UNC80: variants seen among roughly 807,000 people sequenced by gnomAD.
The protein encoded by UNC80 is protein unc-80 homolog.
Under a neutral mutation model 384.6 loss-of-function variants are expected in UNC80, and 164 were observed. That is an observed-to-expected ratio of 0.43 (90% CI 0.38 to 0.49). The LOEUF is 0.49. Among genes scored for constraint, UNC80 ranks in the 20% least tolerant of loss-of-function variants. The pLI, the probability that UNC80 is intolerant of heterozygous loss-of-function variation, is 0.00. For missense variants in UNC80, 3,330 were observed against 4,143.0 expected, an observed-to-expected ratio of 0.80 and a Z score of 5.39; for synonymous variants, 1,486 against 1,527.8, an observed-to-expected ratio of 0.97 and a Z score of 0.64.
rs185114233 is a variant in UNC80 at position 209,813,644 on chromosome 2, C to T, written c.1003C>T (p.Leu335=). 76 of 1,551,834 alleles carry T rather than the reference C, an allele frequency of 4.9e-5. 1 individual carries two copies. In the East Asian group the frequency reaches 1.7e-3, roughly 35 times the overall value. ...RYATYFDVAV[L]RCLLQPHWSE... ...TGCCACCTACTTTGACGTTGCTGTT[C>T]TGCGCTGCCTACTTCAGCCCCATTG... Residue 335 remains leucine (L), a synonymous_variant, in exon 8 of 65, where the codon CTG becomes TTG. Transcript: ENST00000673920.
chr2:209,970,081 C>A, intron 53 of UNC80, 190 bp downstream of exon 53: 1 of 680,004 alleles, frequency 1.5e-6, no homozygotes, highest in Non-Finnish European at 2.4e-6. Flanking sequence ...GGAACCCATC[C>A]CTACACAGAA....
At chr2:209,836,740 C>T (rs1326991934) in intron 18 of UNC80, among the ~76,000 whole-genome samples, 1 of 152,182 alleles carries the variant, frequency 6.6e-6, no homozygotes, top group Non-Finnish European at 1.5e-5. Flanking sequence ...CTGGCTCCTC[C>T]TCTAGCTTCT....
chr2:209,880,105 A>AT (rs1036751764), intron 24 of UNC80, among the ~76,000 whole-genome samples: 29 of 152,116 alleles, frequency 1.9e-4, no homozygotes, highest in African/African-American at 6.3e-4. Flanking sequence ...CATGGCTTTG[A>AT]TTTTTTCTGA....
At chr2:209,930,924 C>T in intron 37 of UNC80, 44 bp from the exon 38 acceptor site, 1 of 1,356,748 alleles carries the variant, frequency 7.4e-7, no homozygotes. Flanking sequence ...TTTTCTACAG[C>T]ATGGCAGCTG....
chr2:209,895,330 G>T (rs2086701558), intron 27 of UNC80, among the ~76,000 whole-genome samples: 1 of 152,150 alleles, frequency 6.6e-6, no homozygotes, highest in Non-Finnish European at 1.5e-5. Flanking sequence ...TCAAAAGTCA[G>T]CAAGAAGTGT....
Position 209,941,442 on chromosome 2 carries a change from CTCT to C in UNC80, c.6872_6874del (p.Phe2291del). On this transcript the variant is annotated inframe_deletion, in exon 44 of 65. Transcript: ENST00000673920. ...CAACACCGCGGTGCACTTCAACCAC[CTCT>C]TCTCTCTCAGCGGCTACCAGTGGAT... The C allele has an allele frequency of 6.5e-7, 1 of 1,544,930 alleles. No homozygotes were observed. The highest frequency in any genetic ancestry group is 8.8e-7 in the Non-Finnish European group (1 of 1,141,332).
intron 28 of UNC80, among the ~76,000 whole-genome samples, chr2:209,897,255 A>C (rs2124919854): frequency 6.6e-6 from 1 of 152,302 alleles, no homozygotes; most frequent in South Asian, 2.1e-4. Flanking sequence ...ATTTTTATGA[A>C]GTAAATACAC....
intron 22 of UNC80, among the ~76,000 whole-genome samples, chr2:209,866,533 C>CACACACATACACACACAG (rs1307214321): frequency 9.6e-6 from 1 of 104,086 alleles, no homozygotes; most frequent in Admixed American, 9.1e-5. Context: ...CACACACACA[C>CACACACATACACACACAG]AGAGAGAGAG....
chr2:209,972,536 C>T (rs180717354), intron 55 of UNC80, among the ~76,000 whole-genome samples: 4 of 152,176 alleles, frequency 2.6e-5, no homozygotes, highest in Non-Finnish European at 4.4e-5. Context: ...TTAGGAGATA[C>T]GTCCTATTTA....
chr2:209,911,664 G>A (rs1473967974), intron 29 of UNC80, among the ~76,000 whole-genome samples: 3 of 152,144 alleles, frequency 2.0e-5, no homozygotes, highest in Non-Finnish European at 4.4e-5. Flanking sequence ...CTTGGCTAGA[G>A]GGAGAAAGTG....
intron 51 of UNC80, 65 bp downstream of exon 51, chr2:209,959,772 T>G (rs2092532994): frequency 6.9e-7 from 1 of 1,453,860 alleles, no homozygotes; most frequent in Admixed American, 2.2e-5. Context: ...TGAATGTGTG[T>G]GTTGGGTTGA....
intron 22 of UNC80, among the ~76,000 whole-genome samples, chr2:209,859,257 A>G (rs1022316791): frequency 6.6e-6 from 1 of 151,808 alleles, no homozygotes; most frequent in African/African-American, 2.4e-5. Context: ...TCATTGTTCA[A>G]CTCCCACTTA....
rs1398765599 is a variant in UNC80, at chr2:209,980,642, A to T, written c.9119-1537A>T. ...TACATTCAATAATCAGACTTGTATT[A>T]AGGCCTATCGGGTATAAGATAAGGA... On this transcript the variant is annotated intron_variant, in intron 59 of 64. Transcript: ENST00000673920. 1.3e-5 allele frequency among the ~76,000 whole-genome samples: 2 copies of T among 152,212 alleles called. 1 individual carries two copies. The highest frequency in any genetic ancestry group is 1.3e-4 in the Admixed American group (2 of 15,284).
chr2:209,866,693 C>T (rs895854641), intron 22 of UNC80, among the ~76,000 whole-genome samples: 1 of 152,146 alleles, frequency 6.6e-6, no homozygotes, highest in Non-Finnish European at 1.5e-5. Flanking sequence ...TCAAGTACTA[C>T]ATTTTTATTT....
rs1260069118 is a variant in UNC80, at chr2:209,904,949, G to A, written c.4766G>A (p.Gly1589Asp). ...AACATCAGCAGTGTGGCTCTCCGGG[G>A]CAAGAAACAGAAAGAAGTAAGTAAA... is the stretch of plus-strand genomic sequence containing the variant. ...SSNISSVALR[G>D]KKQKECSDKS... is the part of the protein sequence containing the mutation. The change falls in exon 29 of 65, where the codon GGC becomes GAC. Residue 1589 changes from glycine (G) to aspartate (D), a missense_variant. This residue lies in a region of UNC80 where 801 missense variants were observed against 950.8 expected (regional missense o/e 0.84). Transcript: ENST00000673920. The A allele has an allele frequency of 1.9e-6, 3 of 1,551,640 alleles. No homozygotes were observed. Among genetic ancestry groups the A allele is most frequent in the Non-Finnish European group, 1.7e-6 (2 of 1,146,980 alleles).
intron 61 of UNC80, among the ~76,000 whole-genome samples, chr2:209,991,346 A>G: frequency 6.6e-6 from 1 of 152,330 alleles, no homozygotes; most frequent in East Asian, 1.9e-4. Flanking sequence ...AATACCTTTT[A>G]TACATGCATG....
chr2:209,856,375 A>G (rs73076772), intron 22 of UNC80, among the ~76,000 whole-genome samples: 9,944 of 152,108 alleles, frequency 0.065, 1,094 homozygotes, highest in African/African-American at 0.23. Flanking sequence ...ATTACATTGC[A>G]TCATCTCCCA....
At chr2:209,894,125 TA>T (rs2086597393) in intron 26 of UNC80, 37 bp from the exon 27 acceptor site, 1 of 983,156 alleles carries the variant, frequency 1.0e-6, no homozygotes, top group Non-Finnish European at 1.2e-6. Context: ...TGGGGAACAC[TA>T]GGGGGGAAAA....
intron 56 of UNC80, among the ~76,000 whole-genome samples, chr2:209,975,575 G>A (rs2092991882): frequency 6.6e-6 from 1 of 152,100 alleles, no homozygotes; most frequent in African/African-American, 2.4e-5. Flanking sequence ...AGTTTAGTGT[G>A]GGGTCAGGAA....
Sources: gnomAD v4.1 joint callset for allele counts (sites outside exome capture counted in the v4.1 genomes callset) on GRCh38, gnomAD v4.1.1 for gene constraint, gnomAD v4.1.1 regional missense constraint, MANE v1.5 for transcripts, NCBI Gene and HGNC (gene_info 2026-07-23, HGNC 2026-07-21) for gene names.